LRRK2: variants seen among roughly 807,000 people sequenced by gnomAD.
LRRK2 encodes leucine-rich repeat serine/threonine-protein kinase 2.
A neutral mutation model predicts 302.6 loss-of-function variants in LRRK2; 203 were observed. That is an observed-to-expected ratio of 0.67 (90% CI 0.60 to 0.75). The LOEUF is 0.75. Ranked by LOEUF, LRRK2 falls within the 30% of genes least tolerant of loss-of-function variation. The pLI is 0.00. For synonymous variants in LRRK2, 1,066 were observed against 1,031.9 expected (o/e 1.03, Z -0.63); for missense variants, 2,830 against 2,951.0 (o/e 0.96, Z 0.95).
intron 4 of LRRK2, 124 bp from the exon 5 acceptor site, chr12:40,237,845 A>G (rs75050289): frequency 1.1e-6 from 1 of 918,118 alleles, no homozygotes. Context: ...AAACAAACAA[A>G]CAAGAAAACC....
intron 38 of LRRK2, among the ~76,000 whole-genome samples, chr12:40,326,686 T>G (rs996320772): frequency 2.0e-5 from 3 of 152,102 alleles, no homozygotes; most frequent in Admixed American, 6.5e-5. Flanking sequence ...CTACTTGCTT[T>G]CTTTCTCTTT....
chr12:40,310,202 G>C lies in LRRK2; in HGVS notation c.4318-229G>C, dbSNP rs930957248. On this transcript the variant is annotated intron_variant, in intron 30 of 50. Coordinates refer to ENST00000298910, the MANE Select transcript of LRRK2 (RefSeq NM_198578.4). ...TACCGTTATATATGCCACCTAAAAGGGTGAAGAATTGGGTTAAGAAAGGCC... is the reference window on the plus strand; with the variant it reads ...TACCGTTATATATGCCACCTAAAAGCGTGAAGAATTGGGTTAAGAAAGGCC... Among the ~76,000 whole-genome samples the C allele has an allele frequency of 2.0e-5, 3 of 152,096 alleles. No individual in the cohort carries two copies. The South Asian group carries it at 6.2e-4, about 32-fold the overall frequency.
chr12:40,287,964 G>GT (rs1275212526), intron 20 of LRRK2, among the ~76,000 whole-genome samples: 8 of 151,838 alleles, frequency 5.3e-5, no homozygotes, highest in African/African-American at 1.9e-4. Flanking sequence ...AATAAAAAAG[G>GT]TTTTTATCTT....
At chr12:40,252,381 A>G (rs1193258124) in intron 10 of LRRK2, among the ~76,000 whole-genome samples, 1 of 152,224 alleles carries the variant, frequency 6.6e-6, no homozygotes, top group African/African-American at 2.4e-5. Context: ...TTTGAAAACT[A>G]TGCTAAATTG....
At chr12:40,271,191 A>G (rs1037690937) in intron 14 of LRRK2, among the ~76,000 whole-genome samples, 2 of 152,194 alleles carry the variant, frequency 1.3e-5, no homozygotes, top group Non-Finnish European at 2.9e-5. Flanking sequence ...ACTAATCCAG[A>G]GACCACTATC....
chr12:40,309,153 G>A lies in LRRK2; in HGVS notation c.4237G>A (p.Ala1413Thr). Residue 1413 changes from alanine to threonine, a missense_variant, in exon 30 of 51, where the codon GCA (alanine) becomes ACA (threonine). Ala to Thr is a moderately conservative substitution (Grantham distance 58). Transcript: ENST00000298910. ...STHPHFMTQR[A>T]LYLAVYDLSK... is the part of the protein sequence containing the mutation. The stretch of plus-strand genomic sequence containing the variant: ...TCATCCCCATTTTATGACGCAGCGA[G>A]CATTGTACCTTGCTGTCTATGACCT... 3.1e-6 allele frequency: 5 copies of A among 1,613,858 alleles called. No individual in the cohort carries two copies. Among genetic ancestry groups the A allele is most frequent in the Non-Finnish European group, 8.5e-7 (1 of 1,179,912 alleles).
At position 40,240,635 on chromosome 12, in the gene LRRK2, G is replaced by A. The variant is rs1437088590; in HGVS notation, c.706+18G>A. 1.2e-6 allele frequency: 2 copies of A among 1,609,864 alleles called. No individual in the cohort carries two copies. The highest frequency in any genetic ancestry group is 1.7e-6 in the Non-Finnish European group (2 of 1,176,920). The stretch of plus-strand genomic sequence containing the variant: ...GATTCCTTGTAAGTAGCATTTAAAT[G>A]TTATTTATTTTTTGTATCTGAAAAA... On this transcript the variant is annotated intron_variant, in intron 6 of 50. Coordinates refer to ENST00000298910, the MANE Select transcript of LRRK2 (RefSeq NM_198578.4).
chr12:40,309,127 C>G lies in LRRK2; in HGVS notation c.4211C>G (p.Thr1404Ser). Residue 1404 changes from threonine to serine, a missense_variant, in exon 30 of 51, where the codon ACT becomes AGT. Physicochemically the swap from Thr to Ser is moderately conservative, Grantham distance 58 (BLOSUM62 1). Transcript: ENST00000298910. The stretch of plus-strand genomic sequence containing the variant: ...TTAGGTCGTGAGGAATTCTATAGTA[C>G]TCATCCCCATTTTATGACGCAGCGA... ...DFAGREEFYSTHPHFMTQRAL... is the reference protein window; with the variant it reads ...DFAGREEFYSSHPHFMTQRAL... 6.2e-7 allele frequency: 1 copy of G among 1,613,658 alleles called. No homozygotes were observed. Among genetic ancestry groups the G allele is most frequent in the East Asian group, 2.2e-5 (1 of 44,870 alleles).
rs1243256303 is a variant in LRRK2, at chr12:40,251,467, G to A, written c.1104G>A (p.Glu368=). The A allele has an allele frequency of 3.7e-6, 6 of 1,611,456 alleles. No homozygotes were observed. Among genetic ancestry groups the A allele is most frequent in the Admixed American group, 3.3e-5 (2 of 59,854 alleles). Residue 368 remains glutamate, a splice_region_variant and synonymous_variant, in exon 10 of 51, where the codon GAG becomes GAA. Coordinates refer to ENST00000298910, the MANE Select transcript of LRRK2 (RefSeq NM_198578.4). ...TWHRKNKHVQ[E]AACWALNNLL... Reference sequence around the variant, plus strand: ...TTCTTTTTTCTCCCCTAATCCAGGAGGCCGCATGCTGGGCACTAAATAATC... The same window carrying A: ...TTCTTTTTTCTCCCCTAATCCAGGAAGCCGCATGCTGGGCACTAAATAATC...
intron 25 of LRRK2, chr12:40,300,703 C>A: frequency 2.3e-6 from 1 of 440,028 alleles, no homozygotes; most frequent in Non-Finnish European, 4.7e-6. Context: ...AAAGCAAACT[C>A]GGTCTCTGTC....
Position 40,346,804 on chromosome 12 carries a change from C to G in LRRK2, c.6161C>G (p.Ala2054Gly). 6.2e-7 allele frequency: 1 copy of G among 1,613,918 alleles called. No individual in the cohort carries two copies. The highest frequency in any genetic ancestry group is 8.5e-7 in the Non-Finnish European group (1 of 1,179,906). Residue 2054 changes from alanine to glycine, a missense_variant, in exon 42 of 51, where the codon GCT becomes GGT. By Grantham distance (60) the Ala-to-Gly change is moderately conservative. Transcript: ENST00000298910. ...GGAAATGTCATTTATAACCAACAGG[C>G]TGATGTTTATTCATTTGGTTTACTA... ...ARGNVIYNQQ[A>G]DVYSFGLLLY...
intron 42 of LRRK2, among the ~76,000 whole-genome samples, chr12:40,348,005 G>A (rs1003655638): frequency 4.0e-5 from 6 of 151,898 alleles, no homozygotes; most frequent in African/African-American, 1.5e-4. Context: ...AATAAGCTAC[G>A]CCTCTTATAA....
chr12:40,351,853 G>A (rs1470561774), intron 44 of LRRK2, 120 bp downstream of exon 44: 20 of 1,044,468 alleles, frequency 1.9e-5, no homozygotes, highest in Non-Finnish European at 2.7e-5. Flanking sequence ...CCTTCTGTTA[G>A]AACAAGAGTA....
intron 7 of LRRK2, among the ~76,000 whole-genome samples, chr12:40,245,861 T>G (rs1340097517): frequency 6.6e-6 from 1 of 152,098 alleles, no homozygotes; most frequent in African/African-American, 2.4e-5. Context: ...TAAATGCACT[T>G]AAGTTCTCTA....
At chr12:40,299,465 T>A (rs532192787) in intron 25 of LRRK2, among the ~76,000 whole-genome samples, 1 of 152,244 alleles carries the variant, frequency 6.6e-6, no homozygotes, top group East Asian at 1.9e-4. Context: ...TGCATATTGG[T>A]AAGTGAAAGA....
At chr12:40,328,302 T>C (rs1945612024) in intron 38 of LRRK2, 58 bp from the exon 39 acceptor site, 1 of 1,268,118 alleles carries the variant, frequency 7.9e-7, no homozygotes, top group South Asian at 1.2e-5. Context: ...ATATAATTTA[T>C]TTAGTTTTTT....
intron 33 of LRRK2, among the ~76,000 whole-genome samples, chr12:40,318,047 T>A (rs910556182): frequency 1.3e-5 from 2 of 152,032 alleles, no homozygotes; most frequent in African/African-American, 2.4e-5. Context: ...TATGGCTAAG[T>A]TGGGCTTCCT....
At position 40,284,012 on chromosome 12, in the gene LRRK2, G is replaced by A. The variant is rs200235844; in HGVS notation, c.2379G>A (p.Arg793=). Reference sequence around the variant, plus strand: ...AGATCATCAGCTTGCTCTTAAGGAGGCTGGCCCTGGATGTGGCCAACAATA... The same window carrying A: ...AGATCATCAGCTTGCTCTTAAGGAGACTGGCCCTGGATGTGGCCAACAATA... ...DSQIISLLLR[R]LALDVANNSI... Residue 793 remains arginine (R), a synonymous_variant, in exon 19 of 51, where the codon AGG becomes AGA. Transcript: ENST00000298910. 15 of 1,613,978 alleles carry A rather than the reference G, an allele frequency of 9.3e-6. No individual in the cohort carries two copies. The African/African-American group carries it at 2.0e-4, about 22-fold the overall frequency.
chr12:40,351,503 G>C, intron 43 of LRRK2, 36 bp from the exon 44 acceptor site: 1 of 1,596,494 alleles, frequency 6.3e-7, no homozygotes, highest in South Asian at 1.1e-5. Context: ...GAGTTAACTC[G>C]ATAAGTACTG....
Sources: allele counts gnomAD v4.1 joint callset (sites outside exome capture counted in the v4.1 genomes callset), GRCh38; gene constraint gnomAD v4.1.1; transcripts MANE v1.5; gene names NCBI Gene and HGNC (gene_info 2026-07-23, HGNC 2026-07-21).